The following GABRG3 variants were observed in gnomAD, a reference collection of about 807,000 sequenced individuals.
GABRG3 encodes the protein gamma-aminobutyric acid type A receptor subunit gamma3, also known as gamma-aminobutyric acid receptor subunit gamma-3.
A neutral mutation model predicts 48.8 loss-of-function variants in GABRG3; 25 were observed. The ratio of observed to expected loss-of-function variants is 0.51; its 90% CI spans 0.37 to 0.72. GABRG3 has a LOEUF of 0.72. GABRG3 is among the 30% of genes least tolerant of loss of function. The pLI, the probability that GABRG3 is intolerant of heterozygous loss-of-function variation, is 0.00. For synonymous variants in GABRG3, 227 were observed against 217.6 expected (o/e 1.04, Z -0.38); for missense variants, 394 against 577.9 (o/e 0.68, Z 3.26).
chr15:27,064,480 G>A (rs1472749454), intron 3 of GABRG3, among the ~76,000 whole-genome samples: 1 of 152,158 alleles, frequency 6.6e-6, no homozygotes, highest in Non-Finnish European at 1.5e-5. Context: ...AGGGAACGCT[G>A]GGCTTTCTGG....
At chr15:27,330,829 C>G (rs1332239163) in intron 5 of GABRG3, among the ~76,000 whole-genome samples, 1 of 152,192 alleles carries the variant, frequency 6.6e-6, no homozygotes, top group African/African-American at 2.4e-5. Context: ...CCAACCACAT[C>G]TATTTCCCTA....
At chr15:27,401,942 T>TC (rs1039444589) in intron 5 of GABRG3, among the ~76,000 whole-genome samples, 13 of 134,718 alleles carry the variant, frequency 9.6e-5, no homozygotes, top group African/African-American at 5.2e-4. Context: ...ATGCAGACAA[T>TC]TGGCCACAAG....
At chr15:27,164,919 C>A (rs983605756) in intron 3 of GABRG3, among the ~76,000 whole-genome samples, 1 of 152,114 alleles carries the variant, frequency 6.6e-6, no homozygotes, top group Admixed American at 6.6e-5. Context: ...TGATGTCTCT[C>A]GTATCAAGCG....
chr15:27,275,403 G>A (rs1007621384), intron 3 of GABRG3, among the ~76,000 whole-genome samples: 2 of 152,152 alleles, frequency 1.3e-5, no homozygotes, highest in Non-Finnish European at 2.9e-5. Flanking sequence ...TTTAAATATT[G>A]TAAAATAACA....
intron 3 of GABRG3, among the ~76,000 whole-genome samples, chr15:27,126,864 G>A (rs1430582308): frequency 6.6e-6 from 1 of 152,284 alleles, no homozygotes; most frequent in East Asian, 1.9e-4. Flanking sequence ...GACAGCGATG[G>A]TGATGGAGCC....
intron 3 of GABRG3, among the ~76,000 whole-genome samples, chr15:27,185,727 C>G (rs866453264): frequency 4.6e-5 from 7 of 152,176 alleles, no homozygotes; most frequent in South Asian, 2.1e-4. Flanking sequence ...TTGGTACATA[C>G]ATATTTGAGA....
chr15:27,351,881 T>A (rs903233850), intron 5 of GABRG3, among the ~76,000 whole-genome samples: 4 of 149,594 alleles, frequency 2.7e-5, no homozygotes, highest in African/African-American at 9.9e-5. Flanking sequence ...TGCGTATGTA[T>A]GATGTGTGTG....
chr15:27,173,093 G>T (rs1329073458), intron 3 of GABRG3, among the ~76,000 whole-genome samples: 4 of 152,132 alleles, frequency 2.6e-5, no homozygotes, highest in Non-Finnish European at 5.9e-5. Context: ...GGGATTAGGA[G>T]GTCTACATCA....
chr15:27,452,354 T>C (rs1176100972), intron 5 of GABRG3, among the ~76,000 whole-genome samples: 1 of 152,166 alleles, frequency 6.6e-6, no homozygotes, highest in Non-Finnish European at 1.5e-5. Context: ...AGAACTGTCA[T>C]ATGATCCAGC....
chr15:27,092,140 T>A (rs1464485664), intron 3 of GABRG3, among the ~76,000 whole-genome samples: 1 of 152,152 alleles, frequency 6.6e-6, no homozygotes, highest in Non-Finnish European at 1.5e-5. Context: ...CACCTGGCCC[T>A]CTACGGGAAG....
chr15:27,056,965 C>T (rs567770668), intron 3 of GABRG3, among the ~76,000 whole-genome samples: 1 of 152,220 alleles, frequency 6.6e-6, no homozygotes, highest in East Asian at 1.9e-4. Flanking sequence ...TCCCTGTCTC[C>T]TATCTCCTCT....
chr15:27,385,335 G>C (rs1895889249), intron 5 of GABRG3, among the ~76,000 whole-genome samples: 1 of 81,572 alleles, frequency 1.2e-5, no homozygotes, highest in African/African-American at 5.1e-5. Flanking sequence ...TGACTATCTT[G>C]TGTCTAGGTG....
At chr15:27,148,187 TTATAATC>T (rs1329538762) in intron 3 of GABRG3, among the ~76,000 whole-genome samples, 2 of 151,898 alleles carry the variant, frequency 1.3e-5, no homozygotes, top group Non-Finnish European at 2.9e-5. Flanking sequence ...GATTATTAGA[TTATAATC>T]TATAATATTT....
At chr15:27,154,108 T>C (rs1234320213) in intron 3 of GABRG3, among the ~76,000 whole-genome samples, 1 of 152,196 alleles carries the variant, frequency 6.6e-6, no homozygotes, top group Non-Finnish European at 1.5e-5. Context: ...TTCCTGTCTT[T>C]TGGCTTCCTT....
intron 3 of GABRG3, among the ~76,000 whole-genome samples, chr15:27,254,166 G>T (rs1890542385): frequency 6.6e-6 from 1 of 152,186 alleles, no homozygotes; most frequent in Non-Finnish European, 1.5e-5. Flanking sequence ...GACAATGCAG[G>T]TCCCTGGCCT....
Position 27,256,357 on chromosome 15 carries a change from C to T in GABRG3, c.271-70452C>T, listed in dbSNP as rs552469032. ...TTGGGAGGCTGAGGCAGGAGAATGGCGTGAACCCGGGAGGCAGTGCTTGCA... is the reference window on the plus strand; with the variant it reads ...TTGGGAGGCTGAGGCAGGAGAATGGTGTGAACCCGGGAGGCAGTGCTTGCA... On this transcript the variant is annotated intron_variant, in intron 3 of 9. Coordinates refer to ENST00000615808, the MANE Select transcript of GABRG3 (RefSeq NM_033223.5). Among the ~76,000 whole-genome samples the T allele has an allele frequency of 7.9e-4, 120 of 151,472 alleles. 1 individual carries two copies. In the Middle Eastern group the frequency reaches 0.017, roughly 21 times the overall value.
chr15:27,082,097 A>G (rs145226383), intron 3 of GABRG3, among the ~76,000 whole-genome samples: 1 of 152,340 alleles, frequency 6.6e-6, no homozygotes, highest in African/African-American at 2.4e-5. Context: ...TCTGTGGTCA[A>G]GATTCCCTTG....
chr15:27,308,915 CAT>C (rs367835337), intron 3 of GABRG3, among the ~76,000 whole-genome samples: 485 of 149,482 alleles, frequency 3.2e-3, no homozygotes, highest in South Asian at 0.015. Flanking sequence ...AGAATGTAAA[CAT>C]ATGTTTATAT....
chr15:27,272,013 G>A (rs1891107344), intron 3 of GABRG3, among the ~76,000 whole-genome samples: 1 of 152,192 alleles, frequency 6.6e-6, no homozygotes. Context: ...GGCCCCGCCT[G>A]GTGCACAGGC....
Sources: gnomAD v4.1 joint callset for allele counts (sites outside exome capture counted in the v4.1 genomes callset) on GRCh38, gnomAD v4.1.1 for gene constraint, MANE v1.5 for transcripts, NCBI Gene and HGNC (gene_info 2026-07-23, HGNC 2026-07-21) for gene names.